The following MIDEAS variants were observed in gnomAD, a reference collection of about 807,000 sequenced individuals.
MIDEAS encodes mitotic deacetylase associated SANT domain protein, also known as mitotic deacetylase-associated SANT domain protein.
In MIDEAS, 26 loss-of-function variants were observed where a neutral mutation model predicts 102.7. The ratio of observed to expected loss-of-function variants is 0.25; its 90% CI spans 0.19 to 0.35. The LOEUF (loss-of-function observed/expected upper bound fraction) is 0.35, where lower values mean the gene tolerates loss of function less well. Among genes scored for constraint, MIDEAS ranks in the 10% least tolerant of loss-of-function variants. The pLI, the probability that MIDEAS is intolerant of heterozygous loss-of-function variation, is 1.00. For missense variants in MIDEAS, 1,231 were observed against 1,435.6 expected, an observed-to-expected ratio of 0.86 and a Z score of 2.30; for synonymous variants, 585 against 591.0, an observed-to-expected ratio of 0.99 and a Z score of 0.15.
At chr14:73,782,297 A>G (rs967649265) in intron 1 of MIDEAS, among the ~76,000 whole-genome samples, 2 of 152,010 alleles carry the variant, frequency 1.3e-5, no homozygotes, top group African/African-American at 4.8e-5. Flanking sequence ...TAAGTTCAAC[A>G]CCTATTTGGG....
chr14:73,725,998 G>GCTCC lies in MIDEAS; in HGVS notation c.2485+31_2485+34dup. ...CCATGGATGCTGGAGACCTCTTGAG[G>GCTCC]CTCCAGGCACCATGCCCACCGCAGC... is the stretch of plus-strand genomic sequence containing the variant. On this transcript the variant is annotated intron_variant, in intron 8 of 12. Transcript: ENST00000423556. The surrounding 1 kb of genome is among the most constrained non-coding windows in gnomAD (Gnocchi z 4.1). The GCTCC allele has an allele frequency of 6.5e-7, 1 of 1,548,430 alleles. No homozygotes were observed. Among genetic ancestry groups the GCTCC allele is most frequent in the African/African-American group, 1.4e-5 (1 of 73,860 alleles).
chr14:73,754,572 A>G (rs1230136820), intron 1 of MIDEAS, among the ~76,000 whole-genome samples: 2 of 152,140 alleles, frequency 1.3e-5, no homozygotes, highest in Non-Finnish European at 2.9e-5. Flanking sequence ...AGTCTTTACA[A>G]CCTCAAGCAT....
intron 1 of MIDEAS, among the ~76,000 whole-genome samples, chr14:73,785,851 T>A (rs1013666105): frequency 1.3e-5 from 2 of 151,970 alleles, no homozygotes; most frequent in African/African-American, 4.8e-5. Context: ...TCGTCAAAAG[T>A]GAGAGGGAGG....
chr14:73,773,387 T>C (rs1156925565), intron 1 of MIDEAS, among the ~76,000 whole-genome samples: 5 of 151,602 alleles, frequency 3.3e-5, no homozygotes, highest in African/African-American at 9.7e-5. Flanking sequence ...GGTAGGAAGG[T>C]AGAGGCTGGG....
upstream of MIDEAS, among the ~76,000 whole-genome samples, chr14:73,764,110 C>A (rs1208754744): frequency 1.3e-5 from 2 of 152,052 alleles, no homozygotes; most frequent in Non-Finnish European, 2.9e-5. Context: ...GAGGCCAAAG[C>A]GGGCGGATCA....
intron 1 of MIDEAS, among the ~76,000 whole-genome samples, chr14:73,786,627 G>C (rs1270086676): frequency 6.6e-6 from 1 of 152,218 alleles, no homozygotes; most frequent in African/African-American, 2.4e-5. Context: ...TCTGCTCTTC[G>C]TCCCAGGAAG....
At chr14:73,727,545 T>A in intron 4 of MIDEAS, 21 bp from the exon 5 acceptor site, 1 of 1,589,066 alleles carries the variant, frequency 6.3e-7, no homozygotes, top group South Asian at 1.1e-5. Flanking sequence ...AAGAGCAGGT[T>A]GATAAATAGC....
At chr14:73,734,253 G>T (rs1031187584) in intron 3 of MIDEAS, among the ~76,000 whole-genome samples, 1 of 152,112 alleles carries the variant, frequency 6.6e-6, no homozygotes. Flanking sequence ...AAAGTGCTGG[G>T]ATTACAGACG....
At position 73,759,574 on chromosome 14, in the gene MIDEAS, C is replaced by A. The variant is rs1287300048; in HGVS notation, c.-248+189G>T. Among the ~76,000 whole-genome samples, 1 of 148,760 alleles carries A rather than the reference C, an allele frequency of 6.7e-6. No individual in the cohort carries two copies. Among genetic ancestry groups the A allele is most frequent in the Non-Finnish European group, 1.5e-5 (1 of 66,678 alleles). ...TGCAGGCGGCCCCCGCACGGCCACA[C>A]GCGCCCGCTCCACCGCCGCCCAGGC... is the stretch of plus-strand genomic sequence containing the variant. On this transcript the variant is annotated intron_variant, in intron 1 of 12. Coordinates refer to ENST00000423556, the MANE Select transcript of MIDEAS (RefSeq NM_001367710.1). The surrounding 1 kb of genome is among the most constrained non-coding windows in gnomAD (Gnocchi z 6.7).
At chr14:73,756,309 C>T (rs1402624800) in intron 1 of MIDEAS, among the ~76,000 whole-genome samples, 2 of 146,586 alleles carry the variant, frequency 1.4e-5, no homozygotes, top group East Asian at 2.0e-4. Context: ...CGCGCGCGTG[C>T]GCGCTGAGGT....
chr14:73,726,431 C>T (rs924061413), intron 7 of MIDEAS, among the ~76,000 whole-genome samples, 173 bp downstream of exon 7: 3 of 152,318 alleles, frequency 2.0e-5, no homozygotes, highest in African/African-American at 7.2e-5. Flanking sequence ...CAGCAAAACC[C>T]GGGGTCTGAA....
Position 73,739,860 on chromosome 14 carries a change from T to C in MIDEAS, c.149A>G (p.Glu50Gly). Residue 50 changes from glutamate (E) to glycine (G), a missense_variant, in exon 2 of 13, where the codon GAG becomes GGG. Glu to Gly is a moderately conservative substitution (Grantham distance 98). Transcript: ENST00000423556. ...GGTGGAGACTGCCCCTCCTGGACCCTCGTGCCCGAGGTACTGCTCCTCCTT... is the reference window on the plus strand; with the variant it reads ...GGTGGAGACTGCCCCTCCTGGACCCCCGTGCCCGAGGTACTGCTCCTCCTT... ...RVKEEQYLGH[E>G]GPGGAVSTSQ... The C allele has an allele frequency of 6.3e-7, 1 of 1,594,946 alleles. No homozygotes were observed. The highest frequency in any genetic ancestry group is 8.6e-7 in the Non-Finnish European group (1 of 1,168,140).
Position 73,718,830 on chromosome 14 carries a change from C to A in MIDEAS, c.*13G>T. The A allele has an allele frequency of 1.4e-6, 2 of 1,428,046 alleles. No individual in the cohort carries two copies. The highest frequency in any genetic ancestry group is 1.8e-6 in the Non-Finnish European group (2 of 1,099,878). The allele number at this position is 1,428,046 out of a possible 1,614,324, so 88.5% of individuals were successfully genotyped here. A position where few individuals can be genotyped will look rare whatever the true frequency, so the allele number is the denominator to read the frequency against. On this transcript the variant is annotated 3_prime_UTR_variant, in exon 13 of 13. Transcript: ENST00000423556. ...GGCCGAGGCCCAGGACTGGGCCAGCCTGGCTCCCGCGCTCAGCCCTTGTCG... is the reference window on the plus strand; with the variant it reads ...GGCCGAGGCCCAGGACTGGGCCAGCATGGCTCCCGCGCTCAGCCCTTGTCG...
intron 1 of MIDEAS, among the ~76,000 whole-genome samples, chr14:73,778,449 C>G (rs1439780777): frequency 6.6e-6 from 1 of 151,804 alleles, no homozygotes; most frequent in Admixed American, 6.6e-5. Flanking sequence ...GAAGTCAGAT[C>G]CTAAATGCCA....
intron 3 of MIDEAS, among the ~76,000 whole-genome samples, chr14:73,731,825 A>C (rs558352724): frequency 6.6e-6 from 1 of 152,376 alleles, no homozygotes; most frequent in African/African-American, 2.4e-5. Flanking sequence ...GGTGATGGCT[A>C]AACACTGGCA....
upstream of MIDEAS, among the ~76,000 whole-genome samples, chr14:73,788,287 C>T (rs1395797400): frequency 6.6e-6 from 1 of 152,174 alleles, no homozygotes; most frequent in Non-Finnish European, 1.5e-5. Context: ...TAGGGCTCAA[C>T]AATTTTCCTT....
rs898994629 is a variant in MIDEAS at position 73,766,556 on chromosome 14, C to CT, written c.-248+20545dup. 7.8e-3 allele frequency among the ~76,000 whole-genome samples: 1,143 copies of CT among 146,552 alleles called. 9 individuals are homozygous for CT. The highest frequency in any genetic ancestry group is 7.6e-3 in the Non-Finnish European group (501 of 66,148). ...CTTCCTCTTCCATTTCTTTTCTTTTCTTTTTTTTTTTGAGATGGAGTCTAG... is the reference window on the plus strand; with the variant it reads ...CTTCCTCTTCCATTTCTTTTCTTTTCTTTTTTTTTTTTGAGATGGAGTCTAG... On this transcript the variant is annotated intron_variant, in intron 1 of 11. Coordinates refer to the MIDEAS transcript ENST00000394071.
chr14:73,734,324 A>G (rs1025212065), intron 3 of MIDEAS, among the ~76,000 whole-genome samples: 17 of 152,204 alleles, frequency 1.1e-4, no homozygotes, highest in African/African-American at 3.6e-4. Flanking sequence ...TCTTGACCAA[A>G]GAGCTAAGTC....
Position 73,715,816 on chromosome 14 carries a change from G to C in MIDEAS, c.*3027C>G, listed in dbSNP as rs2052877824. On this transcript the variant is annotated 3_prime_UTR_variant, in exon 13 of 13. Transcript: ENST00000423556. ...CAGTTAAATATAGGTGATCCCTTTA[G>C]ACATAAGCAGCAGAAGACCTTGGTG... 6.6e-6 allele frequency: 1 copy of C among 152,618 alleles called. No homozygotes were observed. Among genetic ancestry groups the C allele is most frequent in the African/African-American group, 2.4e-5 (1 of 41,450 alleles). 9.5% of individuals were successfully genotyped at this position (152,618 alleles called of 1,614,324 possible).
Sources: gnomAD v4.1 joint callset for allele counts (sites outside exome capture counted in the v4.1 genomes callset) on GRCh38, gnomAD v4.1.1 for gene constraint, Gnocchi (gnomAD v3.1) non-coding constraint, MANE v1.5 for transcripts, NCBI Gene and HGNC (gene_info 2026-07-23, HGNC 2026-07-21) for gene names.